Variants in ZFHX3 observed in about 807,000 individuals in gnomAD.
ZFHX3 encodes the protein zinc finger homeobox 3, also known as zinc finger homeobox protein 3.
ZFHX3 carries 42 observed loss-of-function variants against 279.1 expected under a neutral mutation model. The ratio of observed to expected loss-of-function variants is 0.15; its 90% CI spans 0.12 to 0.19. The LOEUF is 0.19. Ranked by LOEUF, ZFHX3 falls within the 10% of genes least tolerant of loss-of-function variation. The probability of loss-of-function intolerance (pLI) is 1.00; values close to 1 mark genes in which losing one functional copy is unlikely to be tolerated. For synonymous variants in ZFHX3, 2,293 were observed against 1,957.8 expected (o/e 1.17, Z -4.52); for missense variants, 4,981 against 4,754.0 (o/e 1.05, Z -1.40).
intron 3 of ZFHX3, among the ~76,000 whole-genome samples, chr16:73,374,283 T>C (rs79330316): frequency 6.6e-6 from 1 of 152,228 alleles, no homozygotes; most frequent in African/African-American, 2.4e-5. Flanking sequence ...TAGTTTTTTT[T>C]GTTACAGAAA....
chr16:73,721,742 T>C (rs1597081827), intron 1 of ZFHX3, among the ~76,000 whole-genome samples: 1 of 152,142 alleles, frequency 6.6e-6, no homozygotes, highest in Non-Finnish European at 1.5e-5. Context: ...TTATTAGCAG[T>C]TATAAACAAT....
At chr16:73,813,538 T>A (rs1479247153) in intron 1 of ZFHX3, among the ~76,000 whole-genome samples, 2 of 152,184 alleles carry the variant, frequency 1.3e-5, no homozygotes, top group Non-Finnish European at 2.9e-5. Flanking sequence ...TCATGCAGTC[T>A]GAAAAACAGT....
chr16:72,991,662 G>A (rs1963100252), intron 1 of ZFHX3, among the ~76,000 whole-genome samples: 1 of 152,156 alleles, frequency 6.6e-6, no homozygotes, highest in Non-Finnish European at 1.5e-5. Context: ...CATTTGCATA[G>A]CAATCCAACA....
At chr16:73,292,861 C>T (rs969198021) in intron 4 of ZFHX3, among the ~76,000 whole-genome samples, 13 of 152,266 alleles carry the variant, frequency 8.5e-5, no homozygotes, top group Admixed American at 7.8e-4. Flanking sequence ...AGGTATTCCT[C>T]GGGCTGGAAG....
At chr16:72,846,805 T>A (rs1019169116) in intron 4 of ZFHX3, among the ~76,000 whole-genome samples, 1 of 151,584 alleles carries the variant, frequency 6.6e-6, no homozygotes, top group Non-Finnish European at 1.5e-5. Flanking sequence ...TTCCATTTAC[T>A]GGGGGCTGGC....
chr16:73,813,368 G>A (rs377419420), intron 1 of ZFHX3, among the ~76,000 whole-genome samples: 45 of 151,864 alleles, frequency 3.0e-4, no homozygotes, highest in Non-Finnish European at 5.1e-4. Flanking sequence ...AGAGGACAGC[G>A]GCCAGGACTG....
intron 5 of ZFHX3, among the ~76,000 whole-genome samples, chr16:73,160,365 G>A (rs1967200517): frequency 6.6e-6 from 1 of 152,218 alleles, no homozygotes; most frequent in Admixed American, 6.5e-5. Flanking sequence ...TGAGTAGGGA[G>A]TATGGTGATT....
At chr16:73,217,496 C>A (rs1426026504) in intron 5 of ZFHX3, among the ~76,000 whole-genome samples, 1 of 152,086 alleles carries the variant, frequency 6.6e-6, no homozygotes. Context: ...AGCAATTGAT[C>A]CCCTGGCTTA....
Position 72,796,779 on chromosome 16 carries a change from T to C in ZFHX3, c.5903A>G (p.Gln1968Arg). The C allele has an allele frequency of 6.2e-7, 1 of 1,613,692 alleles. No homozygotes were observed. Among genetic ancestry groups the C allele is most frequent in the Non-Finnish European group, 8.5e-7 (1 of 1,179,964 alleles). The part of the protein sequence containing the change: ...IQYNENKQKV[Q>R]KKNGKTDQGE... ...CTGGTCAGTCTTCCCATTCTTTTTC[T>C]GCACCTTCTGCTTGTTCTCATTATA... Residue 1968 changes from glutamine to arginine, a missense_variant, in exon 9 of 10, where the codon CAG (glutamine) becomes CGG (arginine). Coordinates refer to ENST00000268489, the MANE Select transcript of ZFHX3 (RefSeq NM_006885.4).
chr16:72,960,216 G>GGA, intron 1 of ZFHX3, 22 bp from the exon 2 acceptor site: 1 of 1,478,598 alleles, frequency 6.8e-7, no homozygotes, highest in Non-Finnish European at 9.0e-7. Flanking sequence ...AGGCAAGGGG[G>GGA]GAGGAGGGAG....
In ZFHX3 at chr16:73,687,219, T is replaced by C. The variant is rs796425865; in HGVS notation, c.-1607-6979A>G. 1.3e-4 allele frequency among the ~76,000 whole-genome samples: 19 copies of C among 148,318 alleles called. 2 individuals carry two copies. The highest frequency in any genetic ancestry group is 4.7e-4 in the African/African-American group (19 of 40,278). The stretch of plus-strand genomic sequence containing the variant: ...GCCTGGGCAACATGGTAAAACCCCA[T>C]CTCTAAAAAAAAAAGTACAAAAATT... On this transcript the variant is annotated intron_variant, in intron 1 of 17. Transcript: ENST00000641206.
chr16:72,955,172 G>T (rs1241844488), intron 2 of ZFHX3, among the ~76,000 whole-genome samples: 1 of 152,114 alleles, frequency 6.6e-6, no homozygotes. Flanking sequence ...AGCAGTTTTC[G>T]CGGCCCAAGG....
chr16:73,508,108 G>A (rs2143680308), intron 2 of ZFHX3, among the ~76,000 whole-genome samples: 1 of 152,238 alleles, frequency 6.6e-6, no homozygotes, highest in South Asian at 2.1e-4. Flanking sequence ...TGGCACTCCA[G>A]GAATATCAAA....
At chr16:73,853,082 A>G (rs951247003) in intron 1 of ZFHX3, among the ~76,000 whole-genome samples, 5 of 152,218 alleles carry the variant, frequency 3.3e-5, no homozygotes, top group Non-Finnish European at 7.3e-5. Context: ...ACAACATTCA[A>G]TGTCACTAAT....
chr16:73,593,065 C>G (rs1375475983), intron 2 of ZFHX3, among the ~76,000 whole-genome samples: 1 of 151,592 alleles, frequency 6.6e-6, no homozygotes, highest in African/African-American at 2.4e-5. Flanking sequence ...CAAAAATGGT[C>G]CAAAAAGAAA....
rs533195416 is a variant in ZFHX3, at chr16:73,094,083, GCA to G, written c.-896-487_-896-486del. 1.8e-3 allele frequency among the ~76,000 whole-genome samples: 279 copies of G among 152,280 alleles called. 2 individuals carry two copies. Among genetic ancestry groups the G allele is most frequent in the African/African-American group, 6.6e-3 (274 of 41,572 alleles). ...TGGACCCCCCCAACCCCCTACAAATGCACACACAAGCTAGGCGCTCAATAGCT... is the reference window on the plus strand; with the variant it reads ...TGGACCCCCCCAACCCCCTACAAATGCACACAAGCTAGGCGCTCAATAGCT... On this transcript the variant is annotated intron_variant, in intron 7 of 17. Coordinates refer to the ZFHX3 transcript ENST00000641206.
In ZFHX3 at chr16:73,759,597, A is replaced by T. The variant is rs573612257; in HGVS notation, c.-1607-79357T>A. Among the ~76,000 whole-genome samples the T allele has an allele frequency of 2.0e-5, 3 of 152,252 alleles. No individual in the cohort carries two copies. In the East Asian group the frequency reaches 5.8e-4, roughly 29 times the overall value. On this transcript the variant is annotated intron_variant, in intron 1 of 17. Coordinates refer to the ZFHX3 transcript ENST00000641206. ...TTAAAAAGAGGAGGCAGAAATAGAA[A>T]CTATTTTAGGTGAGATAAACTCTTT...
intron 3 of ZFHX3, among the ~76,000 whole-genome samples, chr16:73,430,546 T>G (rs934228241): frequency 2.6e-5 from 4 of 151,960 alleles, no homozygotes; most frequent in Admixed American, 2.0e-4. Flanking sequence ...GAAGAGAGGG[T>G]TTCCTCTTCT....
rs1303949536 is a variant in ZFHX3 at position 72,797,229 on chromosome 16, G to A, written c.5453C>T (p.Thr1818Ile). Residue 1818 changes from threonine to isoleucine, a missense_variant, in exon 9 of 10, where the codon ACC becomes ATC. Thr to Ile is a moderately conservative substitution (Grantham distance 89). This residue lies in a region of ZFHX3 where 1,751 missense variants were observed against 1,770.0 expected (regional missense o/e 0.99). Transcript: ENST00000268489. Reference protein sequence around the residue: ...QLNPEVSLPVTSGALTLTGTG... With the variant: ...QLNPEVSLPVISGALTLTGTG... ...CCCAGTCAGTGTCAGTGCCCCACTGGTCACTGGCAAGCTCACCTCGGGGTT... is the reference window on the plus strand; with the variant it reads ...CCCAGTCAGTGTCAGTGCCCCACTGATCACTGGCAAGCTCACCTCGGGGTT... The A allele has an allele frequency of 6.2e-7, 1 of 1,614,034 alleles. No individual in the cohort carries two copies. Among genetic ancestry groups the A allele is most frequent in the South Asian group, 1.1e-5 (1 of 91,070 alleles).
Sources: gnomAD v4.1 joint callset for allele counts (sites outside exome capture counted in the v4.1 genomes callset) on GRCh38, gnomAD v4.1.1 for gene constraint, gnomAD v4.1.1 regional missense constraint, MANE v1.5 for transcripts, NCBI Gene and HGNC (gene_info 2026-07-23, HGNC 2026-07-21) for gene names.